PCDHGA6: variants seen among roughly 807,000 people sequenced by gnomAD.
PCDHGA6 encodes protocadherin gamma-A6.
In PCDHGA6, 41 loss-of-function variants were observed where a neutral mutation model predicts 60.6. The ratio of observed to expected loss-of-function variants is 0.68; its 90% CI spans 0.53 to 0.88. The LOEUF (loss-of-function observed/expected upper bound fraction) is 0.88. Ranked by LOEUF, PCDHGA6 falls within the 40% of genes least tolerant of loss-of-function variation. The probability of loss-of-function intolerance (pLI) is 0.00; values close to 1 mark genes in which losing one functional copy is unlikely to be tolerated. For missense variants in PCDHGA6, 1,312 were observed against 1,203.0 expected, an observed-to-expected ratio of 1.09 and a Z score of -1.34; for synonymous variants, 594 against 524.4, an observed-to-expected ratio of 1.13 and a Z score of -1.81.
chr5:141,493,204 C>T lies in PCDHGA6; in HGVS notation c.2425-1603C>T, dbSNP rs2099746929. Among the ~76,000 whole-genome samples, 1 of 152,216 alleles carries T rather than the reference C, an allele frequency of 6.6e-6. No individual in the cohort carries two copies. Among genetic ancestry groups the T allele is most frequent in the Non-Finnish European group, 1.5e-5 (1 of 68,042 alleles). Reference sequence around the variant, plus strand: ...TATATAACTCCTTTGAGAACCTCATCTCATTTGCTCTTCCCACCATTGCTG... The same window carrying T: ...TATATAACTCCTTTGAGAACCTCATTTCATTTGCTCTTCCCACCATTGCTG... On this transcript the variant is annotated intron_variant, in intron 1 of 3. Transcript: ENST00000517434. This position sits in a 1 kb window ranked among gnomAD's most constrained non-coding sequence, Gnocchi z 4.3.
chr5:141,485,920 T>G lies in PCDHGA6; in HGVS notation c.2425-8887T>G. 4 of 1,614,038 alleles carry G rather than the reference T, an allele frequency of 2.5e-6. No individual in the cohort carries two copies. Among genetic ancestry groups the G allele is most frequent in the Non-Finnish European group, 3.4e-6 (4 of 1,180,010 alleles). ...CCTTCCAGCAATCCAGCTACAGGAT[T>G]AGTGTGTTGGAGAGCGCACCAGCGG... On this transcript the variant is annotated intron_variant, in intron 1 of 3. Transcript: ENST00000517434. The surrounding 1 kb of genome is among the most constrained non-coding windows in gnomAD (Gnocchi z 5.7).
At chr5:141,396,119 A>T (rs1190344282) in intron 1 of PCDHGA6, 1 of 152,250 alleles carries the variant, frequency 6.6e-6, no homozygotes, top group Non-Finnish European at 1.5e-5. Flanking sequence ...CCAATGTTTC[A>T]GGTACACAAG....
intron 1 of PCDHGA6, chr5:141,426,560 G>A (rs1358683534): frequency 5.7e-6 from 2 of 352,756 alleles, no homozygotes; most frequent in South Asian, 2.1e-5. Flanking sequence ...AGAATAGATC[G>A]AGAGTCACTG....
In PCDHGA6 at chr5:141,486,421, G is replaced by C; in HGVS notation, c.2425-8386G>C. 1 of 1,614,152 alleles carries C rather than the reference G, an allele frequency of 6.2e-7. No individual in the cohort carries two copies. Among genetic ancestry groups the C allele is most frequent in the African/African-American group, 1.3e-5 (1 of 75,028 alleles). On this transcript the variant is annotated intron_variant, in intron 1 of 3. Coordinates refer to ENST00000517434, the MANE Select transcript of PCDHGA6 (RefSeq NM_018919.3). This position sits in a 1 kb window ranked among gnomAD's most constrained non-coding sequence, Gnocchi z 5.0. Reference sequence around the variant, plus strand: ...TGACTGCTGGACCCTTGGATCGAGAGGCCAAATCTAGCTATGACATCATGG... The same window carrying C: ...TGACTGCTGGACCCTTGGATCGAGACGCCAAATCTAGCTATGACATCATGG...
rs2099404773 is a variant in PCDHGA6 at position 141,477,081 on chromosome 5, T to C, written c.2425-17726T>C. ...GACACCAAACTCCATGAGATTTACA[T>C]CCAGGCCAAAGACAAGGGCGCCAAT... On this transcript the variant is annotated intron_variant, in intron 1 of 3. Transcript: ENST00000517434. The surrounding 1 kb of genome is among the most constrained non-coding windows in gnomAD (Gnocchi z 4.9). 6.2e-7 allele frequency: 1 copy of C among 1,614,104 alleles called. No individual in the cohort carries two copies. Among genetic ancestry groups the C allele is most frequent in the Non-Finnish European group, 8.5e-7 (1 of 1,180,052 alleles).
At chr5:141,459,735 T>A (rs114520602) in intron 1 of PCDHGA6, among the ~76,000 whole-genome samples, 1 of 152,374 alleles carries the variant, frequency 6.6e-6, no homozygotes, top group Non-Finnish European at 1.5e-5. Flanking sequence ...GTCAATTTTT[T>A]AAATTTTAGC....
At chr5:141,400,000 G>A (rs765622041) in intron 1 of PCDHGA6, 1 of 1,612,388 alleles carries the variant, frequency 6.2e-7, no homozygotes, top group Non-Finnish European at 8.5e-7. Context: ...GGTGCGCACA[G>A]CGCGTGCCTT....
intron 1 of PCDHGA6, among the ~76,000 whole-genome samples, chr5:141,479,837 G>A (rs563513895): frequency 3.9e-5 from 6 of 152,338 alleles, no homozygotes; most frequent in Non-Finnish European, 8.8e-5. Flanking sequence ...TGGTATCCAT[G>A]CAAGGTGACT....
At chr5:141,394,690 T>A (rs745602076) in intron 1 of PCDHGA6, 1 of 1,610,768 alleles carries the variant, frequency 6.2e-7, no homozygotes, top group East Asian at 2.2e-5. Flanking sequence ...ACGGGCGAGG[T>A]GCGCACGGCG....
chr5:141,399,643 C>G lies in PCDHGA6; in HGVS notation c.2424+23136C>G, dbSNP rs776980167. On this transcript the variant is annotated intron_variant, in intron 1 of 3. Transcript: ENST00000517434. The stretch of plus-strand genomic sequence containing the variant: ...GGCCTCTTACGTGTCCATGAGCGCG[C>G]AAAGTGGGGTGGTGTTCGCGCAGCG... 133 of 1,613,714 alleles carry G rather than the reference C, an allele frequency of 8.2e-5. No individual in the cohort carries two copies. Among genetic ancestry groups the G allele is most frequent in the Non-Finnish European group, 1.1e-4 (126 of 1,179,890 alleles).
chr5:141,451,521 TAAAGG>T (rs1187561043), intron 1 of PCDHGA6, among the ~76,000 whole-genome samples: 1 of 152,148 alleles, frequency 6.6e-6, no homozygotes, highest in Non-Finnish European at 1.5e-5. Context: ...TTAGAGCAAG[TAAAGG>T]AGAGTGCCAG....
chr5:141,401,922 A>C (rs899426870), intron 1 of PCDHGA6, among the ~76,000 whole-genome samples: 10 of 152,194 alleles, frequency 6.6e-5, no homozygotes, highest in Non-Finnish European at 1.3e-4. Flanking sequence ...AGTTTAAGTG[A>C]TGCTTAGAAT....
intron 1 of PCDHGA6, among the ~76,000 whole-genome samples, chr5:141,387,411 G>A (rs2090933954): frequency 1.3e-5 from 2 of 152,196 alleles, no homozygotes; most frequent in Admixed American, 6.5e-5. Flanking sequence ...ATTGGGGAAA[G>A]CTTATGTCAA....
intron 1 of PCDHGA6, chr5:141,423,661 G>A: frequency 1.3e-6 from 2 of 1,555,760 alleles, no homozygotes; most frequent in Non-Finnish European, 1.7e-6. Flanking sequence ...AAGTAATCAG[G>A]TGAGATTTAT....
chr5:141,378,181 C>G (rs183481155), intron 1 of PCDHGA6: 2 of 152,302 alleles, frequency 1.3e-5, no homozygotes, highest in Admixed American at 6.5e-5. Flanking sequence ...AGCACCGATG[C>G]TGTGTGCCTA....
In PCDHGA6 at chr5:141,512,470, T is replaced by G. The variant is rs2099884244; in HGVS notation, c.*1297T>G. On this transcript the variant is annotated 3_prime_UTR_variant, in exon 4 of 4. Transcript: ENST00000517434. ...TTCACCTTGCCAGGTGCCGTTTCTC[T>G]TCCGTGAAGGCCACTGCCCAGGTCC... 6.5e-6 allele frequency: 1 copy of G among 152,892 alleles called. No individual in the cohort carries two copies. The highest frequency in any genetic ancestry group is 2.1e-4 in the South Asian group (1 of 4,834). 9.5% of individuals were successfully genotyped at this position (152,892 alleles called of 1,614,324 possible).
chr5:141,489,042 A>T lies in PCDHGA6; in HGVS notation c.2425-5765A>T. On this transcript the variant is annotated intron_variant, in intron 1 of 3. Coordinates refer to ENST00000517434, the MANE Select transcript of PCDHGA6 (RefSeq NM_018919.3). This position sits in a 1 kb window ranked among gnomAD's most constrained non-coding sequence, Gnocchi z 4.5. ...TCTCCTCCTCCAGCTCCCCAGCTCCACTCAAATTCAGCTCCCCTCCCCCCT... is the reference window on the plus strand; with the variant it reads ...TCTCCTCCTCCAGCTCCCCAGCTCCTCTCAAATTCAGCTCCCCTCCCCCCT... The T allele has an allele frequency of 4.2e-6, 2 of 473,800 alleles. No individual in the cohort carries two copies. The highest frequency in any genetic ancestry group is 3.7e-6 in the Non-Finnish European group (1 of 270,920). 29.3% of individuals were successfully genotyped at this position (473,800 alleles called of 1,614,324 possible).
intron 3 of PCDHGA6, among the ~76,000 whole-genome samples, chr5:141,506,320 G>A (rs1054880362): frequency 8.6e-5 from 13 of 151,966 alleles, no homozygotes; most frequent in South Asian, 8.3e-4. Flanking sequence ...ATGGTGGTGC[G>A]TGCCTGTAGT....
intron 1 of PCDHGA6, among the ~76,000 whole-genome samples, chr5:141,448,837 C>CT (rs2098610093): frequency 6.6e-6 from 1 of 152,014 alleles, no homozygotes; most frequent in Non-Finnish European, 1.5e-5. Context: ...CCCAGCTACT[C>CT]TGGAGGCTGA....
Sources: gnomAD v4.1 joint callset for allele counts (sites outside exome capture counted in the v4.1 genomes callset) on GRCh38, gnomAD v4.1.1 for gene constraint, Gnocchi (gnomAD v3.1) non-coding constraint, MANE v1.5 for transcripts, NCBI Gene and HGNC (gene_info 2026-07-23, HGNC 2026-07-21) for gene names.